The following AXDND1 variants were observed in gnomAD, a reference collection of about 807,000 sequenced individuals.
AXDND1 encodes the protein axonemal dynein light chain domain containing 1.
Under a neutral mutation model 137.5 loss-of-function variants are expected in AXDND1, and 110 were observed. The ratio of observed to expected loss-of-function variants is 0.80; its 90% CI spans 0.69 to 0.94. The LOEUF is 0.94. Among genes scored for constraint, AXDND1 ranks in the 40% least tolerant of loss-of-function variants. The pLI is 0.00. For missense variants in AXDND1, 1,191 were observed against 1,169.8 expected (o/e 1.02, Z -0.26); for synonymous variants, 414 against 399.7 (o/e 1.04, Z -0.43).
At chr1:179,481,118 T>C (rs1027363184) in intron 17 of AXDND1, among the ~76,000 whole-genome samples, 1 of 152,100 alleles carries the variant, frequency 6.6e-6, no homozygotes, top group Non-Finnish European at 1.5e-5. Flanking sequence ...TATCTCCTAA[T>C]GCTGTCCCTC....
Position 179,552,594 on chromosome 1 carries a change from A to C in AXDND1, c.3032-1918A>C. ...AAGGGCAGTCTGGGTGGGAGGATGG[A>C]GTGCTCACCCGCACTTTGGCTTGTC... On this transcript the variant is annotated intron_variant, in intron 25 of 25. Coordinates refer to ENST00000367618, the MANE Select transcript of AXDND1 (RefSeq NM_144696.6). 6.2e-7 allele frequency: 1 copy of C among 1,612,002 alleles called. No individual in the cohort carries two copies. The highest frequency in any genetic ancestry group is 8.5e-7 in the Non-Finnish European group (1 of 1,178,494).
chr1:179,387,680 T>G (rs946037038), intron 9 of AXDND1, among the ~76,000 whole-genome samples: 2 of 152,224 alleles, frequency 1.3e-5, no homozygotes, highest in African/African-American at 2.4e-5. Context: ...TGTTAGGTCT[T>G]TAGGTGGGAC....
rs763569009 is a variant in AXDND1, at chr1:179,534,899, G to GAAC, written c.2970_2971insCAA (p.Glu990_Glu991insGln). On this transcript the variant is annotated inframe_insertion, in exon 25 of 26. Coordinates refer to ENST00000367618, the MANE Select transcript of AXDND1 (RefSeq NM_144696.6). ...AGATGAAAGAGAAGTAAAAGAAGAA[G>GAAC]AAGAACAACAAGAAGAAGAAGAAGT... The GAAC allele has an allele frequency of 6.3e-7, 1 of 1,585,434 alleles. No homozygotes were observed. The highest frequency in any genetic ancestry group is 1.1e-5 in the South Asian group (1 of 87,250).
chr1:179,524,063 TACC>T (rs1670317613), intron 21 of AXDND1, among the ~76,000 whole-genome samples: 1 of 152,226 alleles, frequency 6.6e-6, no homozygotes, highest in Non-Finnish European at 1.5e-5. Context: ...GGTGTATATA[TACC>T]ACATTTTCTT....
intron 21 of AXDND1, among the ~76,000 whole-genome samples, chr1:179,513,263 T>C (rs1236033911): frequency 6.6e-6 from 1 of 152,236 alleles, no homozygotes; most frequent in East Asian, 1.9e-4. Context: ...GCTGAGAGTT[T>C]TAATCATAAA....
chr1:179,487,710 A>C lies in AXDND1; in HGVS notation c.2092-3828A>C, dbSNP rs377355389. On this transcript the variant is annotated intron_variant, in intron 18 of 25. Coordinates refer to ENST00000367618, the MANE Select transcript of AXDND1 (RefSeq NM_144696.6). ...TAATATTCACTTTTCATTTCCATCA[A>C]TCAGGCCAGGCGTGATGGCTCATGC... Among the ~76,000 whole-genome samples the C allele has an allele frequency of 4.0e-5, 6 of 148,668 alleles. No homozygotes were observed. In the East Asian group the frequency reaches 1.2e-3, roughly 29 times the overall value.
In AXDND1 at chr1:179,379,470, A is replaced by G; in HGVS notation, c.569A>G (p.Glu190Gly). ...TCAAGTACAGGAGTTTCAGGTTTGGAGTGTTATGATGAGTGAGTACTATGA... is the reference window on the plus strand; with the variant it reads ...TCAAGTACAGGAGTTTCAGGTTTGGGGTGTTATGATGAGTGAGTACTATGA... ...IVSSTGVSGL[E>G]CYDDKYTTLL... Residue 190 changes from glutamate (E) to glycine (G), a missense_variant, in exon 6 of 26, where the codon GAG becomes GGG. Physicochemically the swap from Glu to Gly is moderately conservative, Grantham distance 98. Transcript: ENST00000367618. 6.2e-7 allele frequency: 1 copy of G among 1,613,246 alleles called. No individual in the cohort carries two copies. Among genetic ancestry groups the G allele is most frequent in the Non-Finnish European group, 8.5e-7 (1 of 1,179,648 alleles).
chr1:179,477,306 ATG>A (rs1195105377), intron 17 of AXDND1, among the ~76,000 whole-genome samples: 6 of 46,538 alleles, frequency 1.3e-4, no homozygotes, highest in Non-Finnish European at 2.8e-4. Flanking sequence ...ATGAACTAAC[ATG>A]TGTTAGTTCA....
At chr1:179,466,276 C>CTTTTTTT (rs1558222697) in intron 16 of AXDND1, among the ~76,000 whole-genome samples, 2 of 121,362 alleles carry the variant, frequency 1.6e-5, no homozygotes, top group Non-Finnish European at 3.5e-5. Flanking sequence ...TTTCTTTCTT[C>CTTTTTTT]TTCTTCTTCT....
chr1:179,432,407 T>C (rs753072954), intron 15 of AXDND1, 65 bp downstream of exon 15: 117 of 1,458,956 alleles, frequency 8.0e-5, no homozygotes, highest in Non-Finnish European at 1.0e-4. Flanking sequence ...ATTCCGGACC[T>C]ACAACTGAGG....
At chr1:179,503,999 T>C (rs1268422440) in intron 20 of AXDND1, among the ~76,000 whole-genome samples, 1 of 152,178 alleles carries the variant, frequency 6.6e-6, no homozygotes, top group Non-Finnish European at 1.5e-5. Flanking sequence ...TATGTATTAA[T>C]ATATAGGTGC....
intron 21 of AXDND1, among the ~76,000 whole-genome samples, chr1:179,519,217 C>T (rs1043127472): frequency 6.6e-6 from 1 of 152,058 alleles, no homozygotes; most frequent in African/African-American, 2.4e-5. Flanking sequence ...TGTCCTTTGC[C>T]CACTTTTTTA....
At chr1:179,380,692 T>C (rs1039888240) in intron 6 of AXDND1, among the ~76,000 whole-genome samples, 6 of 152,234 alleles carry the variant, frequency 3.9e-5, no homozygotes, top group African/African-American at 1.4e-4. Context: ...GTCTTTCCAA[T>C]ATGTATGTTA....
chr1:179,378,028 G>C (rs1197078461), intron 4 of AXDND1, among the ~76,000 whole-genome samples: 1 of 152,116 alleles, frequency 6.6e-6, no homozygotes, highest in East Asian at 1.9e-4. Flanking sequence ...AAATTAGCCA[G>C]ACATGATGGC....
intron 12 of AXDND1, among the ~76,000 whole-genome samples, chr1:179,421,825 G>A (rs1253722231): frequency 6.6e-6 from 1 of 151,358 alleles, no homozygotes; most frequent in Non-Finnish European, 1.5e-5. Flanking sequence ...ATCACCTGAG[G>A]TCAGGAGTTT....
chr1:179,485,824 A>G (rs907307806), intron 18 of AXDND1, among the ~76,000 whole-genome samples: 17 of 152,246 alleles, frequency 1.1e-4, no homozygotes, highest in African/African-American at 3.1e-4. Context: ...AAATGCCATT[A>G]TAAGAAAGAA....
At chr1:179,436,363 A>G (rs960701981) in intron 15 of AXDND1, among the ~76,000 whole-genome samples, 1 of 152,234 alleles carries the variant, frequency 6.6e-6, no homozygotes, top group Non-Finnish European at 1.5e-5. Context: ...AGGAAGATAA[A>G]TCATTCTACT....
chr1:179,430,257 C>T (rs1245265045), intron 13 of AXDND1, among the ~76,000 whole-genome samples, 195 bp from the exon 14 acceptor site: 1 of 151,942 alleles, frequency 6.6e-6, no homozygotes, highest in African/African-American at 2.4e-5. Context: ...AATCTTGTCT[C>T]TTAATACTTT....
At chr1:179,486,747 G>T (rs1666129867) in intron 18 of AXDND1, among the ~76,000 whole-genome samples, 1 of 148,846 alleles carries the variant, frequency 6.7e-6, no homozygotes, top group Non-Finnish European at 1.5e-5. Flanking sequence ...AAGCAAAGGA[G>T]AAATGAGATC....
Sources: allele counts gnomAD v4.1 joint callset (sites outside exome capture counted in the v4.1 genomes callset), GRCh38; gene constraint gnomAD v4.1.1; transcripts MANE v1.5; gene names NCBI Gene and HGNC (gene_info 2026-07-23, HGNC 2026-07-21).